The following AGAP1 variants were observed in gnomAD, a reference collection of about 807,000 sequenced individuals.
AGAP1 encodes the protein ArfGAP with GTPase domain, ankyrin repeat and PH domain 1.
In AGAP1, 29 loss-of-function variants were observed where a neutral mutation model predicts 105.3. The observed-to-expected ratio is 0.28, with a 90% CI of 0.21 to 0.38. The LOEUF is 0.38. Among genes scored for constraint, AGAP1 ranks in the 10% least tolerant of loss-of-function variants. The pLI, the probability that AGAP1 is intolerant of heterozygous loss-of-function variation, is 1.00. For synonymous variants in AGAP1, 509 were observed against 485.9 expected, an observed-to-expected ratio of 1.05 and a Z score of -0.63; for missense variants, 998 against 1,165.1, an observed-to-expected ratio of 0.86 and a Z score of 2.09.
intron 16 of AGAP1, among the ~76,000 whole-genome samples, chr2:236,079,449 G>A (rs1396428300): frequency 2.0e-5 from 3 of 149,474 alleles, no homozygotes; most frequent in Admixed American, 6.7e-5. Context: ...TGGGAGGATC[G>A]CTTGAGCCCA....
At chr2:236,079,542 T>TTA (rs771740559) in intron 16 of AGAP1, among the ~76,000 whole-genome samples, 19 of 121,628 alleles carry the variant, frequency 1.6e-4, no homozygotes, top group South Asian at 5.3e-4. Flanking sequence ...AAAAAAAAAA[T>TTA]TATATATATA....
intron 1 of AGAP1, among the ~76,000 whole-genome samples, chr2:235,679,760 A>G (rs1948960797): frequency 6.6e-6 from 1 of 152,238 alleles, no homozygotes; most frequent in Admixed American, 6.5e-5. Context: ...AAAGCAGAGT[A>G]ATCTGTGCTC....
Position 235,712,864 on chromosome 2 carries a change from C to T in AGAP1, c.222+3627C>T, listed in dbSNP as rs757148848. Among the ~76,000 whole-genome samples, 3 of 152,242 alleles carry T rather than the reference C, an allele frequency of 2.0e-5. No homozygotes were observed. The highest frequency in any genetic ancestry group is 4.4e-5 in the Non-Finnish European group (3 of 68,052). ...TCCAGCAGTCGCTCCGACAGCTTCA[C>T]GGGTGGCGTGACACACTTGAAACGG... is the stretch of plus-strand genomic sequence containing the variant. On this transcript the variant is annotated intron_variant, in intron 2 of 17. Coordinates refer to ENST00000304032, the MANE Select transcript of AGAP1 (RefSeq NM_001037131.3). The surrounding 1 kb of genome is among the most constrained non-coding windows in gnomAD (Gnocchi z 6.0).
chr2:236,047,957 A>G (rs1294148075), intron 15 of AGAP1, among the ~76,000 whole-genome samples: 4 of 152,100 alleles, frequency 2.6e-5, no homozygotes, highest in Non-Finnish European at 5.9e-5. Flanking sequence ...TATGTAGTAG[A>G]TGTTAAATAA....
chr2:235,649,657 C>G (rs184508478), intron 1 of AGAP1, among the ~76,000 whole-genome samples: 2 of 152,304 alleles, frequency 1.3e-5, no homozygotes, highest in Non-Finnish European at 2.9e-5. Flanking sequence ...CAGATGTGAG[C>G]CACAGTGGCT....
At position 235,595,572 on chromosome 2, in the gene AGAP1, G is replaced by T. The variant is rs562275938; in HGVS notation, c.163+100723G>T. Among the ~76,000 whole-genome samples the T allele has an allele frequency of 1.7e-3, 265 of 152,328 alleles. 4 individuals carry two copies. The highest frequency in any genetic ancestry group is 6.2e-3 in the African/African-American group (256 of 41,576). ...ATTTGTCAGTGCCACTTCCTACAAAGTGAAGGCTGGATTTTTGGGGGACTC... is the reference window on the plus strand; with the variant it reads ...ATTTGTCAGTGCCACTTCCTACAAATTGAAGGCTGGATTTTTGGGGGACTC... On this transcript the variant is annotated intron_variant, in intron 1 of 17. Coordinates refer to ENST00000304032, the MANE Select transcript of AGAP1 (RefSeq NM_001037131.3).
At chr2:235,785,372 C>G (rs1956559553) in intron 6 of AGAP1, among the ~76,000 whole-genome samples, 1 of 152,176 alleles carries the variant, frequency 6.6e-6, no homozygotes, top group Non-Finnish European at 1.5e-5. Context: ...CTATATTAAT[C>G]AAACTGTGTT....
At position 236,080,554 on chromosome 2, in the gene AGAP1, C is replaced by T. The variant is rs958284467; in HGVS notation, c.2114+31273C>T. The stretch of plus-strand genomic sequence containing the variant: ...GCAGCCACCTGCTGTATCTTGTACA[C>T]GTTTCATCCATCCAGCTTTTAGCCT... On this transcript the variant is annotated intron_variant, in intron 16 of 17. Transcript: ENST00000304032. This position sits in a 1 kb window ranked among gnomAD's most constrained non-coding sequence, Gnocchi z 4.2. Among the ~76,000 whole-genome samples the T allele has an allele frequency of 1.3e-5, 2 of 152,226 alleles. No homozygotes were observed. Among genetic ancestry groups the T allele is most frequent in the African/African-American group, 4.8e-5 (2 of 41,460 alleles).
chr2:235,998,988 G>A (rs538910678), intron 13 of AGAP1, among the ~76,000 whole-genome samples: 1 of 150,860 alleles, frequency 6.6e-6, no homozygotes, highest in African/African-American at 2.4e-5. Context: ...ACGGGGTAGT[G>A]GTGGTGATTG....
In AGAP1 at chr2:235,992,688, G is replaced by A. The variant is rs892893958; in HGVS notation, c.1645+24065G>A. 6.6e-6 allele frequency among the ~76,000 whole-genome samples: 1 copy of A among 152,212 alleles called. No homozygotes were observed. The highest frequency in any genetic ancestry group is 1.5e-5 in the Non-Finnish European group (1 of 68,040). On this transcript the variant is annotated intron_variant, in intron 13 of 17. Transcript: ENST00000304032. This position sits in a 1 kb window ranked among gnomAD's most constrained non-coding sequence, Gnocchi z 4.8. ...TAGCATTGAACCACATTTTTAAGGTGACTCTTCAACTCACCAAGAATATCG... is the reference window on the plus strand; with the variant it reads ...TAGCATTGAACCACATTTTTAAGGTAACTCTTCAACTCACCAAGAATATCG...
chr2:235,594,801 T>A (rs2149219607), intron 1 of AGAP1, among the ~76,000 whole-genome samples: 1 of 151,456 alleles, frequency 6.6e-6, no homozygotes, highest in Non-Finnish European at 1.5e-5. Context: ...CTTGGACTCC[T>A]GGCCTCAAGT....
chr2:235,501,927 C>T (rs551004471), intron 1 of AGAP1, among the ~76,000 whole-genome samples: 132 of 152,246 alleles, frequency 8.7e-4, no homozygotes, highest in Admixed American at 2.9e-3. Context: ...TTGTTAAGTA[C>T]CTTTCTCCGA....
rs1177147235 is a variant in AGAP1 at position 235,611,812 on chromosome 2, A to G, written c.164-97367A>G. Among the ~76,000 whole-genome samples the G allele has an allele frequency of 3.9e-5, 6 of 152,340 alleles. No individual in the cohort carries two copies. The East Asian group carries it at 1.2e-3, about 29-fold the overall frequency. ...CATTTCCTACCTTTGTAGTTTTCAT[A>G]TAAATTAGATTTACATAGGAGACAA... On this transcript the variant is annotated intron_variant, in intron 1 of 17. Coordinates refer to ENST00000304032, the MANE Select transcript of AGAP1 (RefSeq NM_001037131.3). The surrounding 1 kb of genome is among the most constrained non-coding windows in gnomAD (Gnocchi z 5.0).
At position 235,960,984 on chromosome 2, in the gene AGAP1, C is replaced by T. The variant is rs1025161699; in HGVS notation, c.1484-7478C>T. ...GAAAGTGGTCCGTTCCATCCACCCG[C>T]GCAAGTGTCTGTCACACAGAGGTTA... On this transcript the variant is annotated intron_variant, in intron 12 of 17. Coordinates refer to ENST00000304032, the MANE Select transcript of AGAP1 (RefSeq NM_001037131.3). The surrounding 1 kb of genome is among the most constrained non-coding windows in gnomAD (Gnocchi z 4.9). Among the ~76,000 whole-genome samples, 2 of 152,202 alleles carry T rather than the reference C, an allele frequency of 1.3e-5. No homozygotes were observed. Among genetic ancestry groups the T allele is most frequent in the South Asian group, 2.1e-4 (1 of 4,832 alleles).
At chr2:235,697,399 G>A (rs1473721073) in intron 1 of AGAP1, among the ~76,000 whole-genome samples, 1 of 152,160 alleles carries the variant, frequency 6.6e-6, no homozygotes, top group Non-Finnish European at 1.5e-5. Context: ...AAGTAGTTTA[G>A]CCACATTAAG....
intron 13 of AGAP1, among the ~76,000 whole-genome samples, chr2:235,975,316 A>G (rs890461687): frequency 6.6e-6 from 1 of 152,200 alleles, no homozygotes; most frequent in African/African-American, 2.4e-5. Context: ...GAGAAATTAA[A>G]GAATCGTGCA....
chr2:236,040,698 G>A lies in AGAP1; in HGVS notation c.1801-53G>A, dbSNP rs992663133. 3.2e-6 allele frequency: 5 copies of A among 1,559,696 alleles called. No homozygotes were observed. The highest frequency in any genetic ancestry group is 2.6e-6 in the Non-Finnish European group (3 of 1,133,952). ...CTTTCCCTGATGTTATCAGTGATGT[G>A]CGTTTCTCCCGGGGTGCTTACGCCT... On this transcript the variant is annotated intron_variant, in intron 14 of 17. Transcript: ENST00000304032. This position sits in a 1 kb window ranked among gnomAD's most constrained non-coding sequence, Gnocchi z 5.6.
Position 236,056,098 on chromosome 2 carries a change from C to T in AGAP1, c.2114+6817C>T, listed in dbSNP as rs1474123783. On this transcript the variant is annotated intron_variant, in intron 16 of 17. Coordinates refer to ENST00000304032, the MANE Select transcript of AGAP1 (RefSeq NM_001037131.3). This position sits in a 1 kb window ranked among gnomAD's most constrained non-coding sequence, Gnocchi z 4.6. ...CTTGGTGGGAATCCAGGCAAGCTCT[C>T]CATAAAGACTGGCTCTAATTATAAG... Among the ~76,000 whole-genome samples the T allele has an allele frequency of 2.0e-5, 3 of 152,106 alleles. No individual in the cohort carries two copies. Among genetic ancestry groups the T allele is most frequent in the Non-Finnish European group, 4.4e-5 (3 of 68,030 alleles).
rs57008190 is a variant in AGAP1 at position 235,770,133 on chromosome 2, C to CTTTTTTTTTT, written c.673+19648_673+19657dup. Among the ~76,000 whole-genome samples, 430 of 136,626 alleles carry CTTTTTTTTTT rather than the reference C, an allele frequency of 3.1e-3. 9 individuals carry two copies. The highest frequency in any genetic ancestry group is 0.017 in the East Asian group (78 of 4,572). The allele number at this position is 136,626 out of a possible 152,430, so 89.6% of individuals were successfully genotyped here. On this transcript the variant is annotated intron_variant, in intron 6 of 17. Transcript: ENST00000304032. ...CACACATTTTTTTCTTTCTTTGTTT[C>CTTTTTTTTTT]TTTTTTTTTTTTGAGACGGAGTCTC...
Sources: gnomAD v4.1 joint callset for allele counts (sites outside exome capture counted in the v4.1 genomes callset) on GRCh38, gnomAD v4.1.1 for gene constraint, Gnocchi (gnomAD v3.1) non-coding constraint, MANE v1.5 for transcripts, NCBI Gene and HGNC (gene_info 2026-07-23, HGNC 2026-07-21) for gene names.